Variants in GSTA5 observed in about 807,000 individuals in gnomAD.
GSTA5 encodes glutathione S-transferase A5.
A neutral mutation model predicts 21.8 loss-of-function variants in GSTA5; 25 were observed. That is an observed-to-expected ratio of 1.14 (90% confidence interval 0.83 to 1.60). The LOEUF is 1.60. Ranked by LOEUF, GSTA5 falls within the 40% of genes most tolerant of loss-of-function variation. The probability of loss-of-function intolerance (pLI) is 0.00; values close to 1 mark genes in which losing one functional copy is unlikely to be tolerated. For missense variants in GSTA5, 330 were observed against 259.2 expected (o/e 1.27, Z -1.88); for synonymous variants, 102 against 89.5 (o/e 1.14, Z -0.78).
At chr6:52,832,120 A>C (rs1764225709) in intron 5 of GSTA5, 150 bp from the exon 6 acceptor site, 2 of 1,124,182 alleles carry the variant, frequency 1.8e-6, no homozygotes, top group Non-Finnish European at 2.5e-6. Flanking sequence ...ACCCAGTGAG[A>C]AATGAAGATA....
At chr6:52,839,167 G>C (rs1468205293) in intron 1 of GSTA5, among the ~76,000 whole-genome samples, 3 of 152,168 alleles carry the variant, frequency 2.0e-5, no homozygotes, top group African/African-American at 7.2e-5. Flanking sequence ...GGTGGGGTGG[G>C]GTTGGCAAGT....
exon 5 of GSTA5, chr6:52,832,976 G>C: frequency 6.2e-7 from 1 of 1,614,056 alleles, no homozygotes; most frequent in Non-Finnish European, 8.5e-7. Context: ...AGTCTTGTCT[G>C]TGGCTCTTTA....
At chr6:52,839,328 C>A (rs1204002750) in intron 1 of GSTA5, among the ~76,000 whole-genome samples, 1 of 152,140 alleles carries the variant, frequency 6.6e-6, no homozygotes, top group Non-Finnish European at 1.5e-5. Context: ...CCCCTCCCTC[C>A]CTCCTGCTGA....
chr6:52,832,347 T>C (rs1187723303), intron 5 of GSTA5, among the ~76,000 whole-genome samples: 2 of 152,246 alleles, frequency 1.3e-5, no homozygotes, highest in East Asian at 1.9e-4. Context: ...GAAAATGTTA[T>C]AGAAAACATT....
intron 1 of GSTA5, among the ~76,000 whole-genome samples, chr6:52,838,599 A>G (rs1473199498): frequency 6.6e-6 from 1 of 152,246 alleles, no homozygotes; most frequent in Non-Finnish European, 1.5e-5. Context: ...CAATCTGACC[A>G]GAAGCTATGA....
intron 3 of GSTA5, among the ~76,000 whole-genome samples, chr6:52,835,394 A>AT (rs977907199): frequency 5.3e-5 from 8 of 152,116 alleles, no homozygotes; most frequent in East Asian, 3.9e-4. Context: ...TGGCTAAGGC[A>AT]TTTTTTCTCC....
upstream of GSTA5, among the ~76,000 whole-genome samples, chr6:52,845,004 C>G (rs1461919947): frequency 2.0e-5 from 3 of 152,110 alleles, no homozygotes; most frequent in African/African-American, 7.2e-5. Context: ...GTCTCTTCAT[C>G]ATCTATTATC....
exon 6 of GSTA5, chr6:52,831,892 C>G: frequency 6.2e-7 from 1 of 1,613,888 alleles, no homozygotes; most frequent in Non-Finnish European, 8.5e-7. Context: ...GATTTCTCAT[C>G]CATGGGAGGC....
At chr6:52,846,239 G>T in the GSTA5 span, 1 of 167,032 alleles carries the variant, frequency 6.0e-6, no homozygotes. Context: ...TAAGACATGA[G>T]GCAAGTGATC....
intron 3 of GSTA5, 152 bp from the exon 4 acceptor site, chr6:52,834,434 T>C: frequency 1.5e-6 from 1 of 671,198 alleles, no homozygotes; most frequent in East Asian, 2.7e-5. Flanking sequence ...CTCTGAGTTT[T>C]ACAGGTATAT....
chr6:52,838,304 T>C (rs1381645976), intron 1 of GSTA5, among the ~76,000 whole-genome samples: 1 of 152,254 alleles, frequency 6.6e-6, no homozygotes, highest in African/African-American at 2.4e-5. Flanking sequence ...ACTTTGGACA[T>C]GTTACCGAAA....
intron 5 of GSTA5, 75 bp downstream of exon 5, chr6:52,832,784 C>T: frequency 6.2e-7 from 1 of 1,604,144 alleles, no homozygotes. Context: ...AAAACATGGT[C>T]AGTCCCGGGG....
At chr6:52,840,491 A>G (rs1764357042) in intron 1 of GSTA5, among the ~76,000 whole-genome samples, 1 of 152,186 alleles carries the variant, frequency 6.6e-6, no homozygotes, top group Non-Finnish European at 1.5e-5. Flanking sequence ...ATTCTAATCC[A>G]CTTAAGTTCT....
chr6:52,833,296 TC>T (rs1764244033), intron 4 of GSTA5, among the ~76,000 whole-genome samples: 3 of 152,014 alleles, frequency 2.0e-5, no homozygotes, highest in Non-Finnish European at 4.4e-5. Flanking sequence ...CTCCATGTGT[TC>T]TGTCTGCCCC....
At chr6:52,843,387 A>G (rs1171713302), upstream of GSTA5, among the ~76,000 whole-genome samples, 2 of 152,086 alleles carry the variant, frequency 1.3e-5, no homozygotes, top group African/African-American at 4.8e-5. Flanking sequence ...AAGTGTTGCT[A>G]TTTCTCCACA....
chr6:52,833,867 C>T (rs912983423), intron 4 of GSTA5, among the ~76,000 whole-genome samples: 24 of 152,310 alleles, frequency 1.6e-4, no homozygotes, highest in African/African-American at 4.8e-4. Flanking sequence ...CCACAGCCCA[C>T]GTTCTACTTA....
intron 1 of GSTA5, 92 bp from the exon 2 acceptor site, chr6:52,837,701 G>T: frequency 1.1e-6 from 1 of 901,406 alleles, no homozygotes; most frequent in Non-Finnish European, 1.7e-6. Context: ...ATGATTTGGA[G>T]AATATAAGAT....
At chr6:52,842,446 T>C (rs1764391328), upstream of GSTA5, among the ~76,000 whole-genome samples, 1 of 151,778 alleles carries the variant, frequency 6.6e-6, no homozygotes, top group South Asian at 2.1e-4. Flanking sequence ...ACTGTTTTTT[T>C]CCCAGGCTAG....
At chr6:52,832,178 A>G (rs1273550830) in intron 5 of GSTA5, among the ~76,000 whole-genome samples, 1 of 152,212 alleles carries the variant, frequency 6.6e-6, no homozygotes, top group African/African-American at 2.4e-5. Flanking sequence ...GATGTCTTGA[A>G]GTTTTAATCA....
Sources: allele counts gnomAD v4.1 joint callset (sites outside exome capture counted in the v4.1 genomes callset), GRCh38; gene constraint gnomAD v4.1.1; transcripts MANE v1.5; gene names NCBI Gene and HGNC (gene_info 2026-07-23, HGNC 2026-07-21).